The following PTGER3 variants were observed in gnomAD, a reference collection of about 807,000 sequenced individuals.
PTGER3 encodes the protein prostaglandin E receptor 3.
A neutral mutation model predicts 34.7 loss-of-function variants in PTGER3; 22 were observed. That is an observed-to-expected ratio of 0.63 (90% confidence interval 0.45 to 0.91). The LOEUF (loss-of-function observed/expected upper bound fraction) is 0.91. PTGER3 is among the 40% of genes least tolerant of loss of function. The probability of loss-of-function intolerance (pLI) is 0.00; values close to 1 mark genes in which losing one functional copy is unlikely to be tolerated. For missense variants in PTGER3, 468 were observed against 519.4 expected (o/e 0.90, Z 0.96); for synonymous variants, 241 against 230.1 (o/e 1.05, Z -0.43).
In PTGER3 at chr1:71,012,303, A is replaced by G. The variant is rs1303756075; in HGVS notation, c.1077+2T>C. 6 of 1,614,050 alleles carry G rather than the reference A, an allele frequency of 3.7e-6. No individual in the cohort carries two copies. The highest frequency in any genetic ancestry group is 4.2e-6 in the Non-Finnish European group (5 of 1,180,046). ...AGAGCAGCTGGAGACAGCATTTGCT[A>G]CCTGGCAAAACTTTCGAAGAAGGAT... On this transcript the variant is annotated splice_donor_variant, in intron 2 of 3. Coordinates refer to ENST00000306666, the MANE Select transcript of PTGER3 (RefSeq NM_198719.2). LOFTEE classifies it high-confidence loss of function.
chr1:70,897,365 A>T (rs901753376), intron 4 of PTGER3, among the ~76,000 whole-genome samples: 4 of 152,192 alleles, frequency 2.6e-5, no homozygotes, highest in African/African-American at 9.6e-5. Context: ...AGTTCTAAGG[A>T]TATCAATCCC....
chr1:71,034,055 T>C (rs1387365570), intron 1 of PTGER3, among the ~76,000 whole-genome samples: 1 of 152,154 alleles, frequency 6.6e-6, no homozygotes, highest in Non-Finnish European at 1.5e-5. Flanking sequence ...TGTTATGATG[T>C]GTCTGTATCT....
rs148310483 is a variant in PTGER3, at chr1:70,955,941, A to T, written c.1078-2152T>A. ...GACCTAAAGAAATTTTTCAACACCCAGTCTAGGATTGATCTTAACTGGACT... is the reference window on the plus strand; with the variant it reads ...GACCTAAAGAAATTTTTCAACACCCTGTCTAGGATTGATCTTAACTGGACT... On this transcript the variant is annotated intron_variant, in intron 2 of 3. Transcript: ENST00000356595. Among the ~76,000 whole-genome samples, 91 of 152,300 alleles carry T rather than the reference A, an allele frequency of 6.0e-4. 1 individual carries two copies. Among genetic ancestry groups the T allele is most frequent in the African/African-American group, 2.0e-3 (84 of 41,558 alleles).
At chr1:70,895,517 C>T (rs1557637522) in intron 4 of PTGER3, among the ~76,000 whole-genome samples, 1 of 152,316 alleles carries the variant, frequency 6.6e-6, no homozygotes, top group East Asian at 1.9e-4. Flanking sequence ...AAATCAGCAT[C>T]ACTTTGTAAA....
chr1:71,019,661 T>G (rs930813323), intron 1 of PTGER3, among the ~76,000 whole-genome samples: 8 of 152,232 alleles, frequency 5.3e-5, no homozygotes, highest in African/African-American at 1.7e-4. Context: ...GTCTTTAATA[T>G]TCTATCCTTG....
intron 1 of PTGER3, among the ~76,000 whole-genome samples, chr1:71,040,519 G>T (rs567958854): frequency 1.2e-4 from 19 of 152,056 alleles, no homozygotes; most frequent in Admixed American, 3.3e-4. Context: ...TGAGGCACGA[G>T]AATCACTTGA....
intron 4 of PTGER3, among the ~76,000 whole-genome samples, chr1:70,859,206 A>G (rs1043172750): frequency 2.0e-5 from 3 of 152,204 alleles, no homozygotes; most frequent in Non-Finnish European, 4.4e-5. Flanking sequence ...TACTTCCATA[A>G]ATTATTCCTT....
intron 1 of PTGER3, among the ~76,000 whole-genome samples, chr1:71,021,704 A>C (rs1200476206): frequency 6.6e-6 from 1 of 151,722 alleles, no homozygotes; most frequent in Non-Finnish European, 1.5e-5. Flanking sequence ...AGAAAATCGG[A>C]GTGTTCGTGA....
intron 4 of PTGER3, among the ~76,000 whole-genome samples, chr1:70,891,978 A>C (rs1646627441): frequency 6.6e-6 from 1 of 152,178 alleles, no homozygotes; most frequent in Non-Finnish European, 1.5e-5. Flanking sequence ...ATGAAATCTC[A>C]CTCAGCTGAA....
chr1:70,953,149 A>T (rs1650945601), intron 3 of PTGER3: 1 of 1,112,212 alleles, frequency 9.0e-7, no homozygotes, highest in African/African-American at 1.6e-5. Flanking sequence ...GTGATACAGT[A>T]TAATCACTAT....
intron 4 of PTGER3, among the ~76,000 whole-genome samples, chr1:70,861,701 CAA>C (rs35895358): frequency 0.014 from 1,916 of 141,270 alleles, 51 homozygotes; most frequent in African/African-American, 0.046. Context: ...GTTCCATTAG[CAA>C]AAAAAAAAAC....
chr1:70,953,093 TAATAAAA>T, intron 3 of PTGER3: 1 of 1,504,538 alleles, frequency 6.6e-7, no homozygotes, highest in South Asian at 1.3e-5. Flanking sequence ...GAAAAGAAAA[TAATAAAA>T]AATAACAATA....
chr1:70,860,046 T>C (rs1205379267), intron 4 of PTGER3, among the ~76,000 whole-genome samples: 2 of 138,424 alleles, frequency 1.4e-5, no homozygotes, highest in Non-Finnish European at 3.1e-5. Flanking sequence ...AATATTAGAG[T>C]GGGTGGGGGG....
chr1:70,998,089 C>A (rs754018816), intron 2 of PTGER3, among the ~76,000 whole-genome samples: 7 of 152,202 alleles, frequency 4.6e-5, no homozygotes, highest in Non-Finnish European at 8.8e-5. Context: ...CCCTTCAGGG[C>A]ATATGAAATA....
At chr1:70,983,036 A>C (rs896090292) in intron 2 of PTGER3, among the ~76,000 whole-genome samples, 1 of 152,122 alleles carries the variant, frequency 6.6e-6, no homozygotes, top group South Asian at 2.1e-4. Context: ...TATGAGGGTG[A>C]AGCTTTGAAG....
At chr1:70,996,929 T>A (rs1034402577) in intron 2 of PTGER3, among the ~76,000 whole-genome samples, 12 of 152,160 alleles carry the variant, frequency 7.9e-5, no homozygotes, top group African/African-American at 2.9e-4. Flanking sequence ...CCAAAAGTGC[T>A]GGGATTGCAG....
chr1:70,976,582 G>A (rs1233013661), intron 2 of PTGER3, among the ~76,000 whole-genome samples: 2 of 152,092 alleles, frequency 1.3e-5, no homozygotes, highest in Non-Finnish European at 2.9e-5. Flanking sequence ...TACTGTTTCT[G>A]ACCAAAGTTT....
exon 4 of PTGER3, chr1:70,952,860 A>T (rs1320585499): frequency 7.8e-6 from 12 of 1,531,888 alleles, no homozygotes; most frequent in Non-Finnish European, 1.1e-5. Context: ...CAGCTGGAGG[A>T]GCTTGCTTTT....
chr1:70,999,280 T>G (rs1656264760), intron 2 of PTGER3, among the ~76,000 whole-genome samples: 1 of 152,204 alleles, frequency 6.6e-6, no homozygotes, highest in South Asian at 2.1e-4. Context: ...GAATTAGAGT[T>G]TGGAGACGCT....
Sources: gnomAD v4.1 joint callset for allele counts (sites outside exome capture counted in the v4.1 genomes callset) on GRCh38, gnomAD v4.1.1 for gene constraint, MANE v1.5 for transcripts, NCBI Gene and HGNC (gene_info 2026-07-23, HGNC 2026-07-21) for gene names.